SPOCK3: variants seen among roughly 807,000 people sequenced by gnomAD.
SPOCK3 encodes the protein testican-3.
SPOCK3 carries 30 observed loss-of-function variants against 56.6 expected under a neutral mutation model. That is an observed-to-expected ratio of 0.53 (90% CI 0.40 to 0.72). The LOEUF (loss-of-function observed/expected upper bound fraction) is 0.72, where lower values mean the gene tolerates loss of function less well. Ranked by LOEUF, SPOCK3 falls within the 30% of genes least tolerant of loss-of-function variation. The pLI is 0.00. For synonymous variants in SPOCK3, 196 were observed against 183.3 expected, an observed-to-expected ratio of 1.07 and a Z score of -0.56; for missense variants, 527 against 530.0, an observed-to-expected ratio of 0.99 and a Z score of 0.06.
chr4:167,227,771 T>A (rs970754769), intron 2 of SPOCK3, among the ~76,000 whole-genome samples: 1 of 152,046 alleles, frequency 6.6e-6, no homozygotes, highest in African/African-American at 2.4e-5. Context: ...TCATGAAAAC[T>A]AAAGTTGTGT....
intron 2 of SPOCK3, among the ~76,000 whole-genome samples, chr4:167,149,373 G>T (rs1438229940): frequency 6.6e-6 from 1 of 151,940 alleles, no homozygotes; most frequent in African/African-American, 2.4e-5. Context: ...CTATACAGAA[G>T]GGTGCTTCTG....
intron 1 of SPOCK3, 127 bp downstream of exon 1, chr4:167,234,323 C>G: frequency 1.4e-6 from 1 of 738,014 alleles, no homozygotes; most frequent in Non-Finnish European, 2.2e-6. Context: ...CCCCTCCCCG[C>G]AGGCTTTACC....
chr4:166,879,994 G>A (rs979587718), intron 6 of SPOCK3, among the ~76,000 whole-genome samples: 3 of 152,138 alleles, frequency 2.0e-5, no homozygotes, highest in Admixed American at 6.6e-5. Context: ...CTCCTGAGCT[G>A]CAGAAGCCCT....
chr4:167,187,687 A>C (rs77904897), intron 2 of SPOCK3, among the ~76,000 whole-genome samples: 2,199 of 152,130 alleles, frequency 0.014, 40 homozygotes, highest in Non-Finnish European at 0.024. Flanking sequence ...TTGATTAGGA[A>C]CTTCCATTTT....
At chr4:166,891,504 A>G (rs1734781376) in intron 5 of SPOCK3, among the ~76,000 whole-genome samples, 1 of 152,024 alleles carries the variant, frequency 6.6e-6, no homozygotes, top group African/African-American at 2.4e-5. Flanking sequence ...GAACATGTTT[A>G]TAGTAGCATA....
chr4:167,161,045 G>T (rs1468841905), intron 2 of SPOCK3, among the ~76,000 whole-genome samples: 3 of 152,104 alleles, frequency 2.0e-5, no homozygotes, highest in Non-Finnish European at 4.4e-5. Context: ...TTGACAAATG[G>T]GATCTAATTA....
intron 2 of SPOCK3, among the ~76,000 whole-genome samples, chr4:167,073,985 A>G (rs1756940677): frequency 6.6e-6 from 1 of 151,810 alleles, no homozygotes; most frequent in Non-Finnish European, 1.5e-5. Context: ...GTTTGTCCCA[A>G]TATTTAGTTT....
chr4:166,833,347 C>A (rs1458020321), intron 6 of SPOCK3, among the ~76,000 whole-genome samples: 1 of 151,994 alleles, frequency 6.6e-6, no homozygotes, highest in East Asian at 1.9e-4. Flanking sequence ...CAATAAATGT[C>A]AGTTATGTCA....
intron 2 of SPOCK3, among the ~76,000 whole-genome samples, chr4:167,071,511 A>G (rs1756682231): frequency 6.6e-6 from 1 of 151,126 alleles, no homozygotes; most frequent in Admixed American, 6.6e-5. Flanking sequence ...TGTCCTTCTG[A>G]TAGTTTGCTG....
At chr4:166,950,601 G>A (rs989880279) in intron 4 of SPOCK3, among the ~76,000 whole-genome samples, 15 of 151,006 alleles carry the variant, frequency 9.9e-5, no homozygotes, top group Non-Finnish European at 2.2e-4. Context: ...GACATCTAAA[G>A]AACTCTCCAC....
chr4:167,055,527 T>A (rs971494373), intron 3 of SPOCK3, among the ~76,000 whole-genome samples: 2 of 151,708 alleles, frequency 1.3e-5, no homozygotes, highest in Non-Finnish European at 2.9e-5. Context: ...GCCCAAGGGG[T>A]CAGGGAGTTC....
intron 4 of SPOCK3, among the ~76,000 whole-genome samples, chr4:166,951,861 G>A (rs1407643206): frequency 6.6e-6 from 1 of 151,942 alleles, no homozygotes; most frequent in Non-Finnish European, 1.5e-5. Context: ...ATGCAGAAAA[G>A]GCCTTTGACA....
At chr4:166,794,257 C>A (rs1408167151) in intron 6 of SPOCK3, among the ~76,000 whole-genome samples, 4 of 141,768 alleles carry the variant, frequency 2.8e-5, no homozygotes, top group African/African-American at 1.0e-4. Flanking sequence ...GATATGAATG[C>A]TTACACTGTA....
intron 2 of SPOCK3, among the ~76,000 whole-genome samples, chr4:167,178,155 G>A (rs2150482733): frequency 6.6e-6 from 1 of 152,160 alleles, no homozygotes; most frequent in Middle Eastern, 3.4e-3. Flanking sequence ...CCAGCCCAGA[G>A]CTCACCACAA....
At position 167,058,194 on chromosome 4, in the gene SPOCK3, A is replaced by C. The variant is rs1755126828; in HGVS notation, c.235+4298T>G. On this transcript the variant is annotated intron_variant, in intron 3 of 10. Coordinates refer to ENST00000357545, the MANE Select transcript of SPOCK3 (RefSeq NM_001040159.2). ...GAAATAAAGGGTATTCAATTAGGAA[A>C]AGAGGAAGTCAAATTGTCCCTGTTT... 2.0e-5 allele frequency among the ~76,000 whole-genome samples: 3 copies of C among 152,240 alleles called. No homozygotes were observed. In the South Asian group the frequency reaches 6.2e-4, roughly 32 times the overall value.
At chr4:166,823,607 C>G (rs1471549833) in intron 6 of SPOCK3, among the ~76,000 whole-genome samples, 1 of 152,048 alleles carries the variant, frequency 6.6e-6, no homozygotes, top group Non-Finnish European at 1.5e-5. Context: ...GATCCTGCAG[C>G]AAGTCACTAG....
chr4:166,848,735 A>G (rs1351679030), intron 6 of SPOCK3, among the ~76,000 whole-genome samples: 2 of 152,166 alleles, frequency 1.3e-5, no homozygotes, highest in African/African-American at 4.8e-5. Flanking sequence ...AGATTCTGGG[A>G]GCCAACAAGC....
At chr4:167,214,255 T>G (rs768176706) in intron 2 of SPOCK3, among the ~76,000 whole-genome samples, 20 of 152,322 alleles carry the variant, frequency 1.3e-4, no homozygotes, top group Non-Finnish European at 2.4e-4. Flanking sequence ...ACTGTTTTTA[T>G]GTAGTTTAAA....
rs149273047 is a variant in SPOCK3, at chr4:167,116,947, G to GTA, written c.190-54412_190-54411dup. 9.6e-3 allele frequency among the ~76,000 whole-genome samples: 1,151 copies of GTA among 120,296 alleles called. 15 individuals carry two copies. The highest frequency in any genetic ancestry group is 0.021 in the African/African-American group (766 of 35,630). The allele number at this position is 120,296 out of a possible 152,430, so 78.9% of individuals were successfully genotyped here. A position where few individuals can be genotyped will look rare whatever the true frequency, so the allele number is the denominator to read the frequency against. Reference sequence around the variant, plus strand: ...TATATATATATACTTTTGTGTATATGTATATATATATATCCCACCATAGAG... The same window carrying GTA: ...TATATATATATACTTTTGTGTATATGTATATATATATATATCCCACCATAGAG... On this transcript the variant is annotated intron_variant, in intron 2 of 10. Coordinates refer to ENST00000357545, the MANE Select transcript of SPOCK3 (RefSeq NM_001040159.2).
Sources: allele counts gnomAD v4.1 joint callset (sites outside exome capture counted in the v4.1 genomes callset), GRCh38; gene constraint gnomAD v4.1.1; transcripts MANE v1.5; gene names NCBI Gene and HGNC (gene_info 2026-07-23, HGNC 2026-07-21).